The following SPTSSA variants were observed in gnomAD, a reference collection of about 807,000 sequenced individuals.
SPTSSA encodes small subunit of serine palmitoyltransferase A.
Under a neutral mutation model 9.1 loss-of-function variants are expected in SPTSSA, and 8 were observed. The ratio of observed to expected loss-of-function variants is 0.88; its 90% CI spans 0.51 to 1.58. SPTSSA has a LOEUF of 1.58. Ranked by LOEUF, SPTSSA falls within the 40% of genes most tolerant of loss-of-function variation. The pLI is 0.00. For synonymous variants in SPTSSA, 42 were observed against 37.7 expected, an observed-to-expected ratio of 1.11 and a Z score of -0.41; for missense variants, 100 against 93.8, an observed-to-expected ratio of 1.07 and a Z score of -0.27.
chr14:34,435,623 C>CT (rs769896697), intron 1 of SPTSSA, among the ~76,000 whole-genome samples: 30,884 of 92,586 alleles, frequency 0.33, 5,444 homozygotes, highest in African/African-American at 0.43. Context: ...GTTTGTTTCT[C>CT]TTTTTTTTTT....
At chr14:34,458,442 C>T (rs965466594) in intron 1 of SPTSSA, among the ~76,000 whole-genome samples, 13 of 152,022 alleles carry the variant, frequency 8.6e-5, no homozygotes, top group African/African-American at 3.1e-4. Context: ...CCGCGGCCTC[C>T]CAGAGTGCTG....
Position 34,432,878 on chromosome 14 carries a change from T to C in SPTSSA, c.*2323A>G, listed in dbSNP as rs979129043. On this transcript the variant is annotated 3_prime_UTR_variant, in exon 2 of 2. Coordinates refer to ENST00000298130, the MANE Select transcript of SPTSSA (RefSeq NM_138288.4). The stretch of plus-strand genomic sequence containing the variant: ...TAATGCTACTGCACACTTAATAGAC[T>C]ACAGGATGGTGTAAATGTAACTTTT... 1 of 151,938 alleles carries C rather than the reference T, an allele frequency of 6.6e-6. No homozygotes were observed. The highest frequency in any genetic ancestry group is 2.4e-5 in the African/African-American group (1 of 41,380). 9.4% of individuals were successfully genotyped at this position (151,938 alleles called of 1,614,324 possible). A position where few individuals can be genotyped will look rare whatever the true frequency, so the allele number is the denominator to read the frequency against.
chr14:34,459,161 G>A lies in SPTSSA; in HGVS notation c.112+2935C>T, dbSNP rs1253441223. 4.6e-5 allele frequency among the ~76,000 whole-genome samples: 7 copies of A among 152,164 alleles called. No homozygotes were observed. The East Asian group carries it at 1.4e-3, about 29-fold the overall frequency. ...AAGAAATTAATCTGGGCCAGGCGCG[G>A]TGGCTCACACCTGTAATCCCAGCAC... On this transcript the variant is annotated intron_variant, in intron 1 of 1. Transcript: ENST00000298130.
At chr14:34,450,371 T>C (rs1375468890) in intron 1 of SPTSSA, among the ~76,000 whole-genome samples, 1 of 152,222 alleles carries the variant, frequency 6.6e-6, no homozygotes, top group Admixed American at 6.5e-5. Context: ...GACGTTTCAG[T>C]ACCACCTGTC....
chr14:34,436,996 A>G (rs530607623), intron 1 of SPTSSA, among the ~76,000 whole-genome samples: 29 of 152,218 alleles, frequency 1.9e-4, no homozygotes, highest in Admixed American at 6.5e-4. Context: ...TCATTGGCAT[A>G]TATTTGTTCA....
intron 1 of SPTSSA, 74 bp downstream of exon 1, chr14:34,462,022 G>C (rs1878630317): frequency 7.2e-6 from 7 of 978,026 alleles, no homozygotes; most frequent in African/African-American, 1.8e-5. Flanking sequence ...CCCCAGGCCC[G>C]GGGCCTGGGG....
chr14:34,459,466 AAAAAAG>A (rs1444714260), intron 1 of SPTSSA, among the ~76,000 whole-genome samples: 1 of 145,688 alleles, frequency 6.9e-6, no homozygotes. Context: ...CTCAAAAAAA[AAAAAAG>A]AAAAAGAAAA....
intron 1 of SPTSSA, among the ~76,000 whole-genome samples, chr14:34,440,268 C>T (rs1214808653): frequency 6.6e-6 from 1 of 152,186 alleles, no homozygotes; most frequent in Non-Finnish European, 1.5e-5. Flanking sequence ...ATTATTGTGG[C>T]TGAAAAACTT....
chr14:34,448,908 G>A (rs185655569), intron 1 of SPTSSA, among the ~76,000 whole-genome samples: 4 of 152,260 alleles, frequency 2.6e-5, no homozygotes, highest in African/African-American at 9.6e-5. Context: ...ACAGAGGTAG[G>A]AGGATCACTT....
chr14:34,453,965 A>G lies in SPTSSA; in HGVS notation c.112+8131T>C, dbSNP rs1478104963. Among the ~76,000 whole-genome samples the G allele has an allele frequency of 2.0e-5, 3 of 152,122 alleles. No homozygotes were observed. The East Asian group carries it at 5.8e-4, about 29-fold the overall frequency. ...AAAGCTGAGGCAGGAGGACTGCTTG[A>G]GGCCAGGAGTTCAAGACCAACCTAG... is the stretch of plus-strand genomic sequence containing the variant. On this transcript the variant is annotated intron_variant, in intron 1 of 1. Coordinates refer to ENST00000298130, the MANE Select transcript of SPTSSA (RefSeq NM_138288.4).
chr14:34,455,800 C>T (rs115594667), intron 1 of SPTSSA, among the ~76,000 whole-genome samples: 2,662 of 151,620 alleles, frequency 0.018, 76 homozygotes, highest in African/African-American at 0.062. Context: ...GGCATGGTGG[C>T]GTGCAACTGT....
At chr14:34,451,445 T>G (rs139396761) in intron 1 of SPTSSA, among the ~76,000 whole-genome samples, 1 of 152,152 alleles carries the variant, frequency 6.6e-6, no homozygotes, top group Non-Finnish European at 1.5e-5. Context: ...AATTCTAGGC[T>G]GGGCGCGGTA....
intron 1 of SPTSSA, among the ~76,000 whole-genome samples, chr14:34,459,779 T>TCACACA (rs112310300): frequency 0.017 from 2,645 of 151,726 alleles, 86 homozygotes; most frequent in African/African-American, 0.061. Flanking sequence ...AAACACTGTC[T>TCACACA]CACACACACA....
chr14:34,436,165 C>A (rs1883238778), intron 1 of SPTSSA, among the ~76,000 whole-genome samples: 1 of 152,158 alleles, frequency 6.6e-6, no homozygotes, highest in South Asian at 2.1e-4. Flanking sequence ...CTGCTATTAT[C>A]ACTATTAAAC....
intron 1 of SPTSSA, among the ~76,000 whole-genome samples, chr14:34,443,174 T>G (rs1420154785): frequency 4.0e-4 from 28 of 70,446 alleles, no homozygotes; most frequent in South Asian, 1.0e-3. Flanking sequence ...TGTGTGTGTT[T>G]TGAGATTGAG....
intron 1 of SPTSSA, among the ~76,000 whole-genome samples, chr14:34,446,424 G>C (rs565690886): frequency 2.0e-5 from 3 of 152,170 alleles, no homozygotes; most frequent in Non-Finnish European, 2.9e-5. Flanking sequence ...AAGTGGAAAA[G>C]GGGTCTGTTA....
intron 1 of SPTSSA, among the ~76,000 whole-genome samples, chr14:34,458,986 C>A (rs1878553835): frequency 6.7e-6 from 1 of 149,356 alleles, no homozygotes. Context: ...CTCACTGCAA[C>A]CTCCGCCTCC....
intron 1 of SPTSSA, among the ~76,000 whole-genome samples, chr14:34,446,103 T>TA (rs779044460): frequency 1.8e-4 from 28 of 152,124 alleles, no homozygotes; most frequent in African/African-American, 4.3e-4. Flanking sequence ...TTTCACCAGG[T>TA]AAAAAAAGCT....
At chr14:34,437,947 C>T (rs963301107) in intron 1 of SPTSSA, among the ~76,000 whole-genome samples, 10 of 152,014 alleles carry the variant, frequency 6.6e-5, no homozygotes, top group African/African-American at 2.2e-4. Flanking sequence ...ACAACAAACA[C>T]GCACTACCAC....
Sources: gnomAD v4.1 joint callset for allele counts (sites outside exome capture counted in the v4.1 genomes callset) on GRCh38, gnomAD v4.1.1 for gene constraint, MANE v1.5 for transcripts, NCBI Gene and HGNC (gene_info 2026-07-23, HGNC 2026-07-21) for gene names.